MCTP1: variants seen among roughly 807,000 people sequenced by gnomAD.
MCTP1 encodes the protein multiple C2 and transmembrane domain containing 1.
A neutral mutation model predicts 120.6 loss-of-function variants in MCTP1; 69 were observed. That is an observed-to-expected ratio of 0.57 (90% CI 0.47 to 0.70). The LOEUF is 0.70. Among genes scored for constraint, MCTP1 ranks in the 30% least tolerant of loss-of-function variants. The pLI is 0.00. For synonymous variants in MCTP1, 529 were observed against 493.1 expected (o/e 1.07, Z -0.96); for missense variants, 1,203 against 1,248.8 (o/e 0.96, Z 0.55).
chr5:95,167,228 G>T (rs567029099), intron 1 of MCTP1, among the ~76,000 whole-genome samples: 1 of 152,262 alleles, frequency 6.6e-6, no homozygotes, highest in East Asian at 1.9e-4. Flanking sequence ...TCCCTACAAA[G>T]GACGTGAGCT....
intron 1 of MCTP1, among the ~76,000 whole-genome samples, chr5:95,046,096 C>T (rs182462556): frequency 8.5e-5 from 13 of 152,210 alleles, no homozygotes; most frequent in Non-Finnish European, 1.5e-4. Flanking sequence ...CCAGAAATGC[C>T]AGGAAACTTT....
intron 5 of MCTP1, among the ~76,000 whole-genome samples, chr5:94,933,466 C>T (rs1328541345): frequency 6.6e-6 from 1 of 151,600 alleles, no homozygotes; most frequent in East Asian, 1.9e-4. Context: ...AAGTGGTATA[C>T]CATATTTACA....
chr5:95,229,469 T>C (rs1042995767), intron 1 of MCTP1, among the ~76,000 whole-genome samples: 1 of 152,278 alleles, frequency 6.6e-6, no homozygotes, highest in East Asian at 1.9e-4. Flanking sequence ...GCCTTATTGA[T>C]GAGAGAAAAG....
chr5:95,158,171 A>G (rs1183364305), intron 1 of MCTP1, among the ~76,000 whole-genome samples: 2 of 152,250 alleles, frequency 1.3e-5, no homozygotes, highest in Non-Finnish European at 2.9e-5. Context: ...AGACCTGCAC[A>G]ATATGGACTG....
chr5:95,238,499 C>T (rs1219489135), intron 1 of MCTP1, among the ~76,000 whole-genome samples: 1 of 152,080 alleles, frequency 6.6e-6, no homozygotes, highest in African/African-American at 2.4e-5. Flanking sequence ...CTAAACATCA[C>T]AAAAAATTAC....
intron 1 of MCTP1, among the ~76,000 whole-genome samples, chr5:95,067,462 G>GA (rs1750971596): frequency 6.6e-6 from 1 of 151,792 alleles, no homozygotes; most frequent in Non-Finnish European, 1.5e-5. Flanking sequence ...ATTTAGAAAT[G>GA]AAAAAATTGG....
chr5:94,919,822 T>C (rs765383147), intron 7 of MCTP1, among the ~76,000 whole-genome samples: 4 of 152,340 alleles, frequency 2.6e-5, no homozygotes, highest in Non-Finnish European at 5.9e-5. Flanking sequence ...CAAGTGCATT[T>C]GTTCTGCCAT....
At chr5:95,272,431 A>T (rs1200785486) in intron 1 of MCTP1, among the ~76,000 whole-genome samples, 1 of 152,210 alleles carries the variant, frequency 6.6e-6, no homozygotes, top group African/African-American at 2.4e-5. Flanking sequence ...CCCACAACAC[A>T]GTTCCATAGG....
intron 19 of MCTP1, among the ~76,000 whole-genome samples, chr5:94,760,382 A>G (rs1771047966): frequency 6.6e-6 from 1 of 152,230 alleles, no homozygotes; most frequent in Non-Finnish European, 1.5e-5. Flanking sequence ...TCTGTTGGAT[A>G]ATCAATACAA....
chr5:94,867,195 T>C lies in MCTP1; in HGVS notation c.2436+1138A>G. On this transcript the variant is annotated intron_variant, in intron 17 of 22. Transcript: ENST00000515393. ...TAAGAAAGAGCTACAAAAAGAATAC[T>C]GAGAGAGACAGAGAGAGAGAGATTT... 3.7e-6 allele frequency: 5 copies of C among 1,368,568 alleles called. No individual in the cohort carries two copies. In the South Asian group the frequency reaches 7.0e-5, roughly 19 times the overall value. 84.8% of individuals were successfully genotyped at this position (1,368,568 alleles called of 1,614,324 possible).
At chr5:94,796,045 G>A (rs2153004130) in intron 18 of MCTP1, among the ~76,000 whole-genome samples, 1 of 152,234 alleles carries the variant, frequency 6.6e-6, no homozygotes, top group Admixed American at 6.5e-5. Flanking sequence ...TTTCCTGTTT[G>A]GTATTAATCT....
chr5:94,919,910 C>A (rs1811103016), intron 7 of MCTP1, among the ~76,000 whole-genome samples: 1 of 152,220 alleles, frequency 6.6e-6, no homozygotes, highest in Non-Finnish European at 1.5e-5. Context: ...TGAAGTGTCT[C>A]ATCTTATAAT....
At chr5:95,189,170 ATAGT>A (rs1349625602) in intron 1 of MCTP1, among the ~76,000 whole-genome samples, 2 of 152,188 alleles carry the variant, frequency 1.3e-5, no homozygotes, top group Admixed American at 6.5e-5. Context: ...ATGCAACACC[ATAGT>A]TAATTTCCCA....
intron 1 of MCTP1, among the ~76,000 whole-genome samples, chr5:95,224,506 CTTT>C (rs11324947): frequency 6.3e-4 from 70 of 111,356 alleles, no homozygotes; most frequent in Admixed American, 8.2e-4. Flanking sequence ...CACAGACTGT[CTTT>C]TTTTTTTTTT....
chr5:94,749,548 A>T (rs1041325141), intron 19 of MCTP1, among the ~76,000 whole-genome samples: 14 of 149,930 alleles, frequency 9.3e-5, no homozygotes, highest in Admixed American at 3.4e-4. Flanking sequence ...CCAGCTGCTC[A>T]GGAGGCTGAG....
chr5:95,038,967 T>C (rs542615149), intron 1 of MCTP1, among the ~76,000 whole-genome samples: 58 of 152,130 alleles, frequency 3.8e-4, no homozygotes, highest in Middle Eastern at 3.4e-3. Flanking sequence ...CACATTTCCT[T>C]CTTGCTTTCA....
intron 19 of MCTP1, among the ~76,000 whole-genome samples, chr5:94,766,906 C>G (rs73133919): frequency 1.3e-5 from 2 of 152,004 alleles, no homozygotes; most frequent in Non-Finnish European, 2.9e-5. Flanking sequence ...ATTGAAAGGA[C>G]GGAATTCTTC....
intron 12 of MCTP1, among the ~76,000 whole-genome samples, chr5:94,881,984 A>G (rs1800188425): frequency 6.6e-6 from 1 of 152,208 alleles, no homozygotes; most frequent in Admixed American, 6.6e-5. Flanking sequence ...TCAATGTAAC[A>G]GAACTGATGT....
intron 1 of MCTP1, among the ~76,000 whole-genome samples, chr5:95,067,691 G>C (rs1751029670): frequency 6.6e-6 from 1 of 152,006 alleles, no homozygotes; most frequent in African/African-American, 2.4e-5. Context: ...AATAATAATT[G>C]TATGTATTTA....
Sources: gnomAD v4.1 joint callset for allele counts (sites outside exome capture counted in the v4.1 genomes callset) on GRCh38, gnomAD v4.1.1 for gene constraint, MANE v1.5 for transcripts, NCBI Gene and HGNC (gene_info 2026-07-23, HGNC 2026-07-21) for gene names.